The following NCEH1 variants were observed in gnomAD, a reference collection of about 807,000 sequenced individuals.
NCEH1 encodes the protein 2-acetyl MAGE hydrolase.
NCEH1 carries 9 observed loss-of-function variants against 25.4 expected under a neutral mutation model. The ratio of observed to expected loss-of-function variants is 0.35; its 90% confidence interval spans 0.21 to 0.62. The LOEUF (loss-of-function observed/expected upper bound fraction) is 0.62, where lower values mean the gene tolerates loss of function less well. NCEH1 is among the 20% of genes least tolerant of loss of function. The pLI is 0.72. For synonymous variants in NCEH1, 200 were observed against 199.8 expected, an observed-to-expected ratio of 1.00 and a Z score of -0.01; for missense variants, 412 against 501.1, an observed-to-expected ratio of 0.82 and a Z score of 1.70.
chr3:172,655,413 G>A (rs1056180567), intron 1 of NCEH1, among the ~76,000 whole-genome samples: 6 of 152,186 alleles, frequency 3.9e-5, no homozygotes, highest in African/African-American at 1.4e-4. Context: ...GTTGAAACTT[G>A]ACCAGATGCT....
intron 1 of NCEH1, among the ~76,000 whole-genome samples, chr3:172,705,183 G>C (rs1465866496): frequency 6.6e-6 from 1 of 152,178 alleles, no homozygotes; most frequent in Non-Finnish European, 1.5e-5. Flanking sequence ...TTTTTGTAGA[G>C]ATGGGGAGGG....
chr3:172,676,296 G>A (rs1278806516), intron 1 of NCEH1, among the ~76,000 whole-genome samples: 1 of 152,152 alleles, frequency 6.6e-6, no homozygotes, highest in East Asian at 1.9e-4. Context: ...AGGAAGCTTT[G>A]ATACGCAAAT....
chr3:172,662,663 G>A (rs1718023204), intron 1 of NCEH1, among the ~76,000 whole-genome samples: 1 of 152,134 alleles, frequency 6.6e-6, no homozygotes, highest in African/African-American at 2.4e-5. Context: ...GGTCTATTCA[G>A]GGATTCAACT....
At chr3:172,655,248 G>A (rs1018309369) in intron 1 of NCEH1, among the ~76,000 whole-genome samples, 1 of 152,170 alleles carries the variant, frequency 6.6e-6, no homozygotes, top group Non-Finnish European at 1.5e-5. Flanking sequence ...CAGTTCTAGA[G>A]GTCTTAAAAC....
intron 1 of NCEH1, among the ~76,000 whole-genome samples, chr3:172,685,594 C>A (rs147652773): frequency 1.9e-3 from 292 of 152,322 alleles, no homozygotes; most frequent in African/African-American, 6.8e-3. Flanking sequence ...CTTCAAGATT[C>A]TTTCATTATA....
chr3:172,665,169 T>C (rs560059062), intron 1 of NCEH1, among the ~76,000 whole-genome samples: 3 of 152,342 alleles, frequency 2.0e-5, no homozygotes, highest in Admixed American at 6.5e-5. Flanking sequence ...TTTGTTGATG[T>C]TGATGCTATT....
chr3:172,694,378 A>ATATGTGTGTGTG (rs1553839159), intron 1 of NCEH1, among the ~76,000 whole-genome samples: 1 of 151,236 alleles, frequency 6.6e-6, no homozygotes, highest in African/African-American at 2.4e-5. Context: ...AGTTATATAT[A>ATATGTGTGTGTG]TGTGTGTGTG....
At chr3:172,680,299 A>G (rs574950094) in intron 1 of NCEH1, among the ~76,000 whole-genome samples, 1 of 152,308 alleles carries the variant, frequency 6.6e-6, no homozygotes, top group Admixed American at 6.5e-5. Context: ...ACTCAGGTAG[A>G]ACATCTGAAT....
Position 172,650,813 on chromosome 3 carries a change from A to G in NCEH1, c.139-2699T>C, listed in dbSNP as rs1437826670. Among the ~76,000 whole-genome samples, 62 of 33,568 alleles carry G rather than the reference A, an allele frequency of 1.8e-3. 1 individual carries two copies. The East Asian group carries it at 0.065, about 35-fold the overall frequency. The allele number at this position is 33,568 out of a possible 152,430, so 22.0% of individuals were successfully genotyped here. On this transcript the variant is annotated intron_variant, in intron 1 of 4. Transcript: ENST00000475381. ...GATGACAGAGCGAGACTCTGCCTCG[A>G]AAAAAAAAAAAAAAAAAAAAAAAGG...
intron 1 of NCEH1, among the ~76,000 whole-genome samples, chr3:172,691,475 C>T (rs572422228): frequency 6.6e-6 from 1 of 152,422 alleles, no homozygotes; most frequent in East Asian, 1.9e-4. Context: ...TTCACTCACT[C>T]AGCAAATATG....
At chr3:172,683,096 C>T (rs535014085) in intron 1 of NCEH1, among the ~76,000 whole-genome samples, 1 of 152,246 alleles carries the variant, frequency 6.6e-6, no homozygotes, top group East Asian at 1.9e-4. Flanking sequence ...TGCCTGTAAA[C>T]CCAGTGCTTT....
intron 1 of NCEH1, among the ~76,000 whole-genome samples, chr3:172,695,442 C>T (rs999429796): frequency 3.9e-5 from 6 of 152,144 alleles, no homozygotes; most frequent in Admixed American, 2.0e-4. Context: ...GACTAAGAGA[C>T]GATTTCTCTA....
At position 172,650,812 on chromosome 3, in the gene NCEH1, GAAAAAAAAAA is replaced by G. The variant is rs768170518; in HGVS notation, c.139-2708_139-2699del. Among the ~76,000 whole-genome samples, 16 of 35,884 alleles carry G rather than the reference GAAAAAAAAAA, an allele frequency of 4.5e-4. No individual in the cohort carries two copies. The Admixed American group carries it at 6.1e-3, about 14-fold the overall frequency. The allele number at this position is 35,884 out of a possible 152,430, so 23.5% of individuals were successfully genotyped here. ...GGATGACAGAGCGAGACTCTGCCTC[GAAAAAAAAAA>G]AAAAAAAAAAAAAAGGGACAATTTG... On this transcript the variant is annotated intron_variant, in intron 1 of 4. Coordinates refer to ENST00000475381, the MANE Select transcript of NCEH1 (RefSeq NM_020792.6).
intron 1 of NCEH1, among the ~76,000 whole-genome samples, chr3:172,702,028 C>CTGGAATGCCCCTTT (rs1266278864): frequency 2.0e-4 from 31 of 152,318 alleles, no homozygotes; most frequent in African/African-American, 7.0e-4. Flanking sequence ...CTGCTTCTGG[C>CTGGAATGCCCCTTT]TGGAATGCCC....
chr3:172,653,765 T>TTTTTTTTTTTTTTTTTTG (rs1717556500), intron 1 of NCEH1, among the ~76,000 whole-genome samples: 2 of 134,380 alleles, frequency 1.5e-5, no homozygotes, highest in African/African-American at 3.0e-5. Context: ...TTTTTGTTTT[T>TTTTTTTTTTTTTTTTTTG]TTTTTTTTTT....
chr3:172,693,442 T>G (rs1713176089), intron 1 of NCEH1, among the ~76,000 whole-genome samples: 1 of 150,786 alleles, frequency 6.6e-6, no homozygotes, highest in Non-Finnish European at 1.5e-5. Flanking sequence ...CTTGCCAATC[T>G]TCTAAAGCCT....
At chr3:172,653,029 T>G (rs529290394) in intron 1 of NCEH1, among the ~76,000 whole-genome samples, 2 of 152,274 alleles carry the variant, frequency 1.3e-5, no homozygotes, top group South Asian at 4.1e-4. Context: ...TAGAAGGAGC[T>G]GGGAAACTCC....
At chr3:172,666,859 G>C (rs747950518) in intron 1 of NCEH1, among the ~76,000 whole-genome samples, 34 of 152,262 alleles carry the variant, frequency 2.2e-4, no homozygotes, top group South Asian at 8.3e-4. Flanking sequence ...TGTTAGGCAA[G>C]ATCAGGAAAT....
intron 1 of NCEH1, among the ~76,000 whole-genome samples, chr3:172,663,654 G>T (rs554274984): frequency 6.4e-4 from 97 of 152,254 alleles, no homozygotes; most frequent in Non-Finnish European, 1.3e-3. Flanking sequence ...CCTGTATTGG[G>T]TGCATATATA....
Sources: allele counts gnomAD v4.1 joint callset (sites outside exome capture counted in the v4.1 genomes callset), GRCh38; gene constraint gnomAD v4.1.1; transcripts MANE v1.5; gene names NCBI Gene and HGNC (gene_info 2026-07-23, HGNC 2026-07-21).